CNTNAP2: variants seen among roughly 807,000 people sequenced by gnomAD.
CNTNAP2 encodes the protein contactin-associated protein-like 2.
Under a neutral mutation model 155.2 loss-of-function variants are expected in CNTNAP2, and 98 were observed. The observed-to-expected ratio is 0.63, with a 90% CI of 0.54 to 0.75. The LOEUF is 0.75. CNTNAP2 is among the 30% of genes least tolerant of loss of function. The pLI is 0.00. For synonymous variants in CNTNAP2, 651 were observed against 631.2 expected (o/e 1.03, Z -0.47); for missense variants, 1,727 against 1,688.1 (o/e 1.02, Z -0.40).
intron 1 of CNTNAP2, among the ~76,000 whole-genome samples, chr7:146,402,124 A>C (rs1584908264): frequency 6.6e-6 from 1 of 152,170 alleles, no homozygotes; most frequent in East Asian, 1.9e-4. Flanking sequence ...TCTTTTATAC[A>C]ATTTACATTG....
chr7:146,147,649 A>G (rs1229422399), intron 1 of CNTNAP2, among the ~76,000 whole-genome samples: 1 of 152,140 alleles, frequency 6.6e-6, no homozygotes, highest in African/African-American at 2.4e-5. Context: ...TCAAAGATTC[A>G]CCTGTCACTC....
At chr7:148,084,403 G>A (rs577526205) in intron 15 of CNTNAP2, among the ~76,000 whole-genome samples, 52 of 152,236 alleles carry the variant, frequency 3.4e-4, no homozygotes, top group African/African-American at 4.6e-4. Context: ...TCTCTGCCCC[G>A]GGACTGTGCA....
Position 147,132,485 on chromosome 7 carries a change from A to T in CNTNAP2, c.1324A>T (p.Met442Leu), listed in dbSNP as rs1252934275. 3 of 1,613,600 alleles carry T rather than the reference A, an allele frequency of 1.9e-6. No homozygotes were observed. The highest frequency in any genetic ancestry group is 1.7e-6 in the Non-Finnish European group (2 of 1,179,680). The part of the protein sequence containing the change: ...GVHINITQTK[M>L]SQIDISSGSG... ...TCACATCAACATCACACAGACCAAG[A>T]TGAGCCAAATCGATATTTCCTCAGG... Residue 442 changes from methionine to leucine, a missense_variant, in exon 8 of 24, where the codon ATG (methionine) becomes TTG (leucine). Transcript: ENST00000361727.
chr7:146,771,244 G>A (rs1032109876), intron 1 of CNTNAP2, among the ~76,000 whole-genome samples: 1 of 152,088 alleles, frequency 6.6e-6, no homozygotes, highest in African/African-American at 2.4e-5. Context: ...CTCTACAAGG[G>A]CAGGGCATTG....
chr7:146,621,022 A>G (rs1799307614), intron 1 of CNTNAP2, among the ~76,000 whole-genome samples: 1 of 152,136 alleles, frequency 6.6e-6, no homozygotes, highest in African/African-American at 2.4e-5. Context: ...TTCCTCATTT[A>G]GCTACATTGA....
intron 1 of CNTNAP2, among the ~76,000 whole-genome samples, chr7:146,463,887 G>C (rs1796676389): frequency 6.6e-6 from 1 of 152,076 alleles, no homozygotes; most frequent in Non-Finnish European, 1.5e-5. Flanking sequence ...CATAAAAACA[G>C]AGAAAGGTTG....
intron 3 of CNTNAP2, among the ~76,000 whole-genome samples, chr7:146,873,507 G>A (rs1795357137): frequency 6.6e-6 from 1 of 152,026 alleles, no homozygotes; most frequent in African/African-American, 2.4e-5. Context: ...AGGCTTAGAG[G>A]GTGAAAGTGT....
At chr7:147,143,341 C>T (rs2129287797) in intron 8 of CNTNAP2, among the ~76,000 whole-genome samples, 1 of 152,240 alleles carries the variant, frequency 6.6e-6, no homozygotes, top group South Asian at 2.1e-4. Context: ...CTACAAAAAG[C>T]CTGAATACTA....
At chr7:146,362,970 C>T (rs1231290798) in intron 1 of CNTNAP2, among the ~76,000 whole-genome samples, 1 of 151,920 alleles carries the variant, frequency 6.6e-6, no homozygotes, top group East Asian at 1.9e-4. Context: ...GGGGTTTCAC[C>T]ATGTTGGCCA....
Position 147,549,146 on chromosome 7 carries a change from T to C in CNTNAP2, c.1778-12992T>C, listed in dbSNP as rs556730885. ...TTTATAATTCTGTGAAGAATGTCAA[T>C]GGTAGTTTGATGGGAATAGTATTGA... On this transcript the variant is annotated intron_variant, in intron 11 of 23. Transcript: ENST00000361727. 9.8e-5 allele frequency among the ~76,000 whole-genome samples: 15 copies of C among 152,302 alleles called. No homozygotes were observed. The South Asian group carries it at 2.7e-3, about 27-fold the overall frequency.
intron 12 of CNTNAP2, among the ~76,000 whole-genome samples, chr7:147,602,014 T>A (rs1800956565): frequency 6.6e-6 from 1 of 152,140 alleles, no homozygotes. Context: ...TTATGTTGTA[T>A]TTGTTTGTTA....
intron 2 of CNTNAP2, among the ~76,000 whole-genome samples, chr7:146,783,843 C>G (rs971127042): frequency 1.3e-5 from 2 of 152,178 alleles, no homozygotes; most frequent in East Asian, 3.9e-4. Context: ...TGGAGAATCA[C>G]AGATCGTCTT....
chr7:147,210,820 T>C (rs894390338), intron 8 of CNTNAP2, among the ~76,000 whole-genome samples: 2 of 152,016 alleles, frequency 1.3e-5, no homozygotes, highest in African/African-American at 4.8e-5. Context: ...TGCCTTAATT[T>C]TCCTGTTCAT....
At chr7:148,271,500 C>T (rs762788733) in intron 21 of CNTNAP2, among the ~76,000 whole-genome samples, 11 of 152,252 alleles carry the variant, frequency 7.2e-5, no homozygotes, top group East Asian at 1.9e-4. Flanking sequence ...AGCGAGTCAG[C>T]GGTGACGCTG....
intron 8 of CNTNAP2, among the ~76,000 whole-genome samples, chr7:147,251,395 T>G (rs1477432129): frequency 6.6e-6 from 1 of 152,156 alleles, no homozygotes; most frequent in Admixed American, 6.6e-5. Flanking sequence ...TATCTTGATG[T>G]TAAATGTTAC....
intron 10 of CNTNAP2, among the ~76,000 whole-genome samples, chr7:147,452,018 A>G (rs1299281715): frequency 6.6e-6 from 1 of 152,184 alleles, no homozygotes; most frequent in Non-Finnish European, 1.5e-5. Context: ...CAGAGCTGAG[A>G]GCCTATACAG....
At chr7:146,232,778 C>T (rs1292729606) in intron 1 of CNTNAP2, among the ~76,000 whole-genome samples, 1 of 151,980 alleles carries the variant, frequency 6.6e-6, no homozygotes, top group African/African-American at 2.4e-5. Context: ...GTGACAAAAA[C>T]AATGTCAAAG....
intron 10 of CNTNAP2, among the ~76,000 whole-genome samples, chr7:147,442,404 A>T (rs1797657560): frequency 6.6e-6 from 1 of 152,144 alleles, no homozygotes; most frequent in Admixed American, 6.5e-5. Flanking sequence ...CCTTCAGGGA[A>T]GTGGGCTCCC....
intron 17 of CNTNAP2, among the ~76,000 whole-genome samples, chr7:148,161,602 A>G (rs2116674836): frequency 6.6e-6 from 1 of 152,178 alleles, no homozygotes; most frequent in Non-Finnish European, 1.5e-5. Context: ...GGGGACAGCC[A>G]TCTTCCACTG....
Sources: allele counts gnomAD v4.1 joint callset (sites outside exome capture counted in the v4.1 genomes callset), GRCh38; gene constraint gnomAD v4.1.1; transcripts MANE v1.5; gene names NCBI Gene and HGNC (gene_info 2026-07-23, HGNC 2026-07-21).